Variants in PIP5K1A observed in about 807,000 individuals in gnomAD.
PIP5K1A encodes the protein phosphatidylinositol-4-phosphate 5-kinase type 1 alpha.
A neutral mutation model predicts 72.9 loss-of-function variants in PIP5K1A; 46 were observed. That is an observed-to-expected ratio of 0.63 (90% CI 0.50 to 0.81). The LOEUF (loss-of-function observed/expected upper bound fraction) is 0.81, where lower values mean the gene tolerates loss of function less well. Ranked by LOEUF, PIP5K1A falls within the 30% of genes least tolerant of loss-of-function variation. The pLI is 0.00. For synonymous variants in PIP5K1A, 228 were observed against 255.1 expected (o/e 0.89, Z 1.01); for missense variants, 458 against 706.1 (o/e 0.65, Z 3.98).
rs746925567 is a variant in PIP5K1A at position 151,239,115 on chromosome 1, A to G, written c.1230-15A>G. On this transcript the variant is annotated splice_polypyrimidine_tract_variant and intron_variant, in intron 10 of 15. Transcript: ENST00000368888. Reference sequence around the variant, plus strand: ...TAAAAATGACGTGAGTAGGTGATGTACATTTTTCTTGCAGGTTTGTTAAGA... The same window carrying G: ...TAAAAATGACGTGAGTAGGTGATGTGCATTTTTCTTGCAGGTTTGTTAAGA... The G allele has an allele frequency of 2.5e-6, 4 of 1,599,558 alleles. No homozygotes were observed. The highest frequency in any genetic ancestry group is 3.4e-6 in the Non-Finnish European group (4 of 1,167,230).
At chr1:151,208,655 G>A (rs587657157) in intron 1 of PIP5K1A, among the ~76,000 whole-genome samples, 2 of 149,930 alleles carry the variant, frequency 1.3e-5, no homozygotes, top group East Asian at 3.9e-4. Context: ...CACTGCGTCC[G>A]GCCGTGGCTT....
At chr1:151,195,707 A>G (rs956464242), upstream of PIP5K1A, among the ~76,000 whole-genome samples, 3 of 151,546 alleles carry the variant, frequency 2.0e-5, no homozygotes, top group Non-Finnish European at 4.4e-5. Flanking sequence ...GCCAAGCGCC[A>G]CTGCACTCCA....
intron 12 of PIP5K1A, 136 bp downstream of exon 12, chr1:151,240,175 C>A: frequency 1.5e-6 from 1 of 684,242 alleles, no homozygotes; most frequent in Non-Finnish European, 2.6e-6. Flanking sequence ...CCCATGAGAG[C>A]CATTTCTTGT....
At chr1:151,204,331 C>A (rs587731684) in intron 1 of PIP5K1A, among the ~76,000 whole-genome samples, 126 of 152,308 alleles carry the variant, frequency 8.3e-4, no homozygotes, top group African/African-American at 2.9e-3. Flanking sequence ...CACCCGCCAA[C>A]ACGCCCGGCT....
At position 151,234,177 on chromosome 1, in the gene PIP5K1A, G is replaced by A. The variant is rs757181131; in HGVS notation, c.640-20G>A. The A allele has an allele frequency of 4.5e-6, 7 of 1,566,690 alleles. No individual in the cohort carries two copies. Among genetic ancestry groups the A allele is most frequent in the Admixed American group, 3.8e-5 (2 of 52,644 alleles). On this transcript the variant is annotated intron_variant, in intron 7 of 15. Transcript: ENST00000368888. ...TCAGCTAAGTTGTTCTCCTACTTCT[G>A]TTTCCTTTTGTGTTCTCAGAACCTC...
At chr1:151,247,809 A>G (rs978509667) in intron 15 of PIP5K1A, 54 bp from the exon 16 acceptor site, 16 of 1,471,298 alleles carry the variant, frequency 1.1e-5, no homozygotes, top group Admixed American at 6.1e-5. Context: ...CTTGAATTCC[A>G]TTTCTGCTTA....
chr1:151,224,353 T>A lies in PIP5K1A; in HGVS notation c.121-18T>A, dbSNP rs1264772074. On this transcript the variant is annotated intron_variant, in intron 2 of 15. Transcript: ENST00000368888. The stretch of plus-strand genomic sequence containing the variant: ...AGAAGGAACCTGTTTATGACATTTT[T>A]ATTTTTTCTCTACTTAGGTCTTGGA... 2 of 1,610,770 alleles carry A rather than the reference T, an allele frequency of 1.2e-6. No individual in the cohort carries two copies. Among genetic ancestry groups the A allele is most frequent in the South Asian group, 1.1e-5 (1 of 90,916 alleles).
upstream of PIP5K1A, among the ~76,000 whole-genome samples, chr1:151,195,883 G>GTTTT (rs1558218879): frequency 7.9e-5 from 4 of 50,332 alleles, no homozygotes; most frequent in East Asian, 6.2e-4. Context: ...AACACCAGCC[G>GTTTT]ATTTTTTTTT....
At chr1:151,200,071 G>A (rs1383614815) in intron 1 of PIP5K1A, among the ~76,000 whole-genome samples, 1 of 152,038 alleles carries the variant, frequency 6.6e-6, no homozygotes, top group Admixed American at 6.6e-5. Flanking sequence ...AGGAATGTAG[G>A]AAATTAAGGT....
intron 1 of PIP5K1A, chr1:151,223,774 A>C (rs1179601365): frequency 6.4e-6 from 1 of 157,140 alleles, no homozygotes; most frequent in Non-Finnish European, 1.4e-5. Context: ...GGATCATTTG[A>C]GGTCAGGAGT....
chr1:151,233,813 T>G (rs1040880998), intron 7 of PIP5K1A: 1 of 183,370 alleles, frequency 5.5e-6, no homozygotes, highest in Non-Finnish European at 1.1e-5. Context: ...TAATACTCTC[T>G]GCAGCCTTAC....
intron 8 of PIP5K1A, 45 bp downstream of exon 8, chr1:151,234,541 G>C (rs1416475453): frequency 6.7e-7 from 1 of 1,490,936 alleles, no homozygotes; most frequent in African/African-American, 1.4e-5. Flanking sequence ...TACTAAAACA[G>C]CTTGATTGTT....
At chr1:151,222,628 CT>C (rs1688536604) in intron 1 of PIP5K1A, among the ~76,000 whole-genome samples, 1 of 152,172 alleles carries the variant, frequency 6.6e-6, no homozygotes, top group African/African-American at 2.4e-5. Flanking sequence ...GCTTTTGGTT[CT>C]GCCTGGTCTC....
At position 151,230,504 on chromosome 1, in the gene PIP5K1A, C is replaced by A. The variant is rs112730309; in HGVS notation, c.238-1167C>A. Among the ~76,000 whole-genome samples, 1,128 of 152,140 alleles carry A rather than the reference C, an allele frequency of 7.4e-3. 17 individuals are homozygous for A. The highest frequency in any genetic ancestry group is 0.026 in the African/African-American group (1,059 of 41,520). On this transcript the variant is annotated intron_variant, in intron 4 of 15. Coordinates refer to ENST00000368888, the MANE Select transcript of PIP5K1A (RefSeq NM_001135638.2). ...TACTGCTCTCAGAAATAATTTGAGTCTTTCATGCTTTCTTCTTCAGTTAGG... is the reference window on the plus strand; with the variant it reads ...TACTGCTCTCAGAAATAATTTGAGTATTTCATGCTTTCTTCTTCAGTTAGG...
intron 4 of PIP5K1A, among the ~76,000 whole-genome samples, chr1:151,227,969 T>G (rs944930490): frequency 6.6e-6 from 1 of 152,170 alleles, no homozygotes; most frequent in Admixed American, 6.5e-5. Flanking sequence ...CCCTGTTAGG[T>G]ATAAATATGT....
intron 1 of PIP5K1A, among the ~76,000 whole-genome samples, chr1:151,218,144 TA>T (rs1378552232): frequency 1.5e-4 from 23 of 152,282 alleles, no homozygotes; most frequent in African/African-American, 5.1e-4. Flanking sequence ...GTGAGGACCT[TA>T]ACGTCTGTAA....
At chr1:151,205,164 A>G (rs1159328918) in intron 1 of PIP5K1A, among the ~76,000 whole-genome samples, 1 of 151,994 alleles carries the variant, frequency 6.6e-6, no homozygotes, top group Non-Finnish European at 1.5e-5. Flanking sequence ...CTCTCCTAGA[A>G]TGTTATTTAT....
intron 9 of PIP5K1A, 48 bp downstream of exon 9, chr1:151,236,811 C>CT: frequency 6.9e-6 from 4 of 579,938 alleles, no homozygotes; most frequent in East Asian, 3.5e-5. Flanking sequence ...GCCCACAGCA[C>CT]TTTTCTTTTC....
chr1:151,206,782 T>C (rs1200416680), intron 1 of PIP5K1A, among the ~76,000 whole-genome samples: 1 of 152,148 alleles, frequency 6.6e-6, no homozygotes, highest in Non-Finnish European at 1.5e-5. Context: ...GCCAGGCTGG[T>C]CTCTAACCCC....
Sources: gnomAD v4.1 joint callset for allele counts (sites outside exome capture counted in the v4.1 genomes callset) on GRCh38, gnomAD v4.1.1 for gene constraint, MANE v1.5 for transcripts, NCBI Gene and HGNC (gene_info 2026-07-23, HGNC 2026-07-21) for gene names.